Variants in COL24A1 observed in about 807,000 individuals in gnomAD.
COL24A1 encodes collagen alpha-1(XXIV) chain.
In COL24A1, 224 loss-of-function variants were observed where a neutral mutation model predicts 253.9. That is an observed-to-expected ratio of 0.88 (90% confidence interval 0.79 to 0.99). The LOEUF is 0.99. COL24A1 is among the 50% of genes least tolerant of loss of function. COL24A1 has a pLI of 0.00. For missense variants in COL24A1, 2,131 were observed against 2,068.5 expected (o/e 1.03, Z -0.59); for synonymous variants, 685 against 673.7 (o/e 1.02, Z -0.26).
intron 28 of COL24A1, among the ~76,000 whole-genome samples, chr1:85,896,708 C>T (rs1176172591): frequency 6.6e-6 from 1 of 152,168 alleles, no homozygotes; most frequent in African/African-American, 2.4e-5. Flanking sequence ...CTGTGTTAGC[C>T]AGGATGGTCT....
chr1:86,107,685 C>G (rs959158519), intron 5 of COL24A1, among the ~76,000 whole-genome samples: 10 of 152,092 alleles, frequency 6.6e-5, no homozygotes, highest in African/African-American at 2.4e-4. Context: ...CAGGCGCCTC[C>G]CACCACGCCC....
intron 35 of COL24A1, among the ~76,000 whole-genome samples, chr1:85,870,825 G>T (rs115646722): frequency 2.0e-5 from 3 of 152,020 alleles, no homozygotes; most frequent in South Asian, 4.1e-4. Context: ...AAAGCACACC[G>T]AAGGCAAGAA....
intron 53 of COL24A1, among the ~76,000 whole-genome samples, chr1:85,774,261 A>G (rs1668294408): frequency 6.6e-6 from 1 of 152,056 alleles, no homozygotes; most frequent in South Asian, 2.1e-4. Flanking sequence ...GTACTGCTGG[A>G]TTTGGTTTGC....
At chr1:85,821,151 A>G (rs935943809) in intron 45 of COL24A1, among the ~76,000 whole-genome samples, 1 of 152,196 alleles carries the variant, frequency 6.6e-6, no homozygotes, top group Non-Finnish European at 1.5e-5. Flanking sequence ...ATTATAGGAC[A>G]GTTCACTCAC....
At chr1:86,086,592 A>G (rs1404134305) in intron 7 of COL24A1, among the ~76,000 whole-genome samples, 4 of 152,108 alleles carry the variant, frequency 2.6e-5, no homozygotes, top group Admixed American at 6.6e-5. Context: ...GTCTTTCCCT[A>G]GGAAACCTAC....
At position 85,734,706 on chromosome 1, in the gene COL24A1, A is replaced by G. The variant is rs891455892; in HGVS notation, c.4998+43T>C. 4 of 1,512,366 alleles carry G rather than the reference A, an allele frequency of 2.6e-6. No homozygotes were observed. In the African/African-American group the frequency reaches 5.5e-5, roughly 21 times the overall value. The allele number at this position is 1,512,366 out of a possible 1,614,324, so 93.7% of individuals were successfully genotyped here. Reference sequence around the variant, plus strand: ...CTAATTTTATGGTTTTATCAATTTTAAGTTAGTTATATTGAACAATTCTAA... The same window carrying G: ...CTAATTTTATGGTTTTATCAATTTTGAGTTAGTTATATTGAACAATTCTAA... On this transcript the variant is annotated intron_variant, in intron 59 of 59. Coordinates refer to ENST00000370571, the MANE Select transcript of COL24A1 (RefSeq NM_152890.7).
intron 31 of COL24A1, 89 bp from the exon 32 acceptor site, chr1:85,889,702 TCC>T (rs1371133225): frequency 9.2e-7 from 1 of 1,092,450 alleles, no homozygotes; most frequent in Non-Finnish European, 1.4e-6. Flanking sequence ...TATGGATCCT[TCC>T]ACCCAACTTT....
upstream of COL24A1, chr1:86,156,976 G>T (rs1031416927): frequency 6.6e-6 from 1 of 152,286 alleles, no homozygotes; most frequent in African/African-American, 2.4e-5. Context: ...GCTTTGCCTG[G>T]AAGAAGAGGA....
chr1:85,842,576 A>G (rs2102260680), intron 39 of COL24A1, among the ~76,000 whole-genome samples, 183 bp from the exon 40 acceptor site: 1 of 152,276 alleles, frequency 6.6e-6, no homozygotes, highest in East Asian at 1.9e-4. Context: ...TCTGAAACAC[A>G]AAAAGTTCTG....
At chr1:85,847,537 G>T in intron 39 of COL24A1, 128 bp downstream of exon 39, 1 of 630,344 alleles carries the variant, frequency 1.6e-6, no homozygotes. Context: ...ATCCCATGGA[G>T]GTAGATTATT....
chr1:85,952,617 G>A (rs1690042708), intron 24 of COL24A1, among the ~76,000 whole-genome samples: 1 of 152,194 alleles, frequency 6.6e-6, no homozygotes, highest in Non-Finnish European at 1.5e-5. Context: ...TTCCAGGACA[G>A]GAAAGGGCAA....
At chr1:85,825,249 G>T (rs920364747) in intron 43 of COL24A1, among the ~76,000 whole-genome samples, 6 of 152,026 alleles carry the variant, frequency 3.9e-5, no homozygotes, top group East Asian at 1.9e-4. Context: ...CAAAGGACAT[G>T]AACTCATCAT....
At chr1:86,056,419 G>A (rs1274432648) in intron 10 of COL24A1, among the ~76,000 whole-genome samples, 1 of 152,156 alleles carries the variant, frequency 6.6e-6, no homozygotes, top group East Asian at 1.9e-4. Context: ...TGACAGGCCT[G>A]TTCTCCTACA....
At chr1:86,089,318 T>C in intron 6 of COL24A1, 91 bp from the exon 7 acceptor site, 7 of 1,003,082 alleles carry the variant, frequency 7.0e-6, no homozygotes, top group Non-Finnish European at 1.1e-5. Context: ...ATTTTGGACA[T>C]CAGCTCTTAT....
rs267598741 is a variant in COL24A1 at position 86,112,596 on chromosome 1, G to A, written c.1570C>T (p.Pro524Ser). 6.2e-7 allele frequency: 1 copy of A among 1,613,188 alleles called. No individual in the cohort carries two copies. Among genetic ancestry groups the A allele is most frequent in the Non-Finnish European group, 8.5e-7 (1 of 1,179,462 alleles). Residue 524 changes from proline (P) to serine (S), a missense_variant, in exon 5 of 60, where the codon CCT becomes TCT. Coordinates refer to ENST00000370571, the MANE Select transcript of COL24A1 (RefSeq NM_152890.7). ...GGACCAGGTAATCCAGGTAAACCAGGATTTCCATGTGGCCCTGGTATGCCC... is the reference window on the plus strand; with the variant it reads ...GGACCAGGTAATCCAGGTAAACCAGAATTTCCATGTGGCCCTGGTATGCCC... ...PRGIPGPHGNPGLPGLPGPKG... is the reference protein window; with the variant it reads ...PRGIPGPHGNSGLPGLPGPKG...
chr1:85,747,947 G>A (rs1191561565), intron 55 of COL24A1, among the ~76,000 whole-genome samples: 1 of 152,070 alleles, frequency 6.6e-6, no homozygotes, highest in African/African-American at 2.4e-5. Context: ...TGAAAATACT[G>A]ATTTATGGAA....
At chr1:86,005,256 C>G in intron 19 of COL24A1, among the ~76,000 whole-genome samples, 1 of 151,950 alleles carries the variant, frequency 6.6e-6, no homozygotes, top group African/African-American at 2.4e-5. Flanking sequence ...CACTACATAC[C>G]AAACTTTGCA....
At chr1:85,765,124 TA>T (rs1156942203) in intron 53 of COL24A1, among the ~76,000 whole-genome samples, 2 of 152,218 alleles carry the variant, frequency 1.3e-5, no homozygotes, top group Non-Finnish European at 2.9e-5. Flanking sequence ...ATTTAGGACC[TA>T]TTTCCCATAT....
intron 1 of COL24A1, among the ~76,000 whole-genome samples, chr1:86,153,480 A>C (rs780634651): frequency 1.3e-5 from 2 of 152,214 alleles, no homozygotes; most frequent in Non-Finnish European, 2.9e-5. Context: ...AATGAAAATA[A>C]AATTGTCTTT....
Sources: allele counts gnomAD v4.1 joint callset (sites outside exome capture counted in the v4.1 genomes callset), GRCh38; gene constraint gnomAD v4.1.1; transcripts MANE v1.5; gene names NCBI Gene and HGNC (gene_info 2026-07-23, HGNC 2026-07-21).